Variants in GMDS observed in about 807,000 individuals in gnomAD.
GMDS encodes the protein GDP-mannose 4,6-dehydratase, also known as GDP-mannose 4,6 dehydratase.
GMDS carries 20 observed loss-of-function variants against 49.9 expected under a neutral mutation model. That is an observed-to-expected ratio of 0.40 (90% CI 0.28 to 0.58). The LOEUF is 0.58. Among genes scored for constraint, GMDS ranks in the 20% least tolerant of loss-of-function variants. The probability of loss-of-function intolerance (pLI) is 0.42; values close to 1 mark genes in which losing one functional copy is unlikely to be tolerated. For missense variants in GMDS, 362 were observed against 481.4 expected, an observed-to-expected ratio of 0.75 and a Z score of 2.32; for synonymous variants, 177 against 178.6, an observed-to-expected ratio of 0.99 and a Z score of 0.07.
At chr6:2,015,930 T>C (rs2127399774) in intron 4 of GMDS, among the ~76,000 whole-genome samples, 1 of 152,052 alleles carries the variant, frequency 6.6e-6, no homozygotes, top group African/African-American at 2.4e-5. Context: ...TTTCTTTCCT[T>C]GTTGGGAGAT....
intron 9 of GMDS, among the ~76,000 whole-genome samples, chr6:1,721,179 A>G (rs1393527583): frequency 6.6e-6 from 1 of 151,900 alleles, no homozygotes; most frequent in East Asian, 1.9e-4. Context: ...AATATTAGGA[A>G]AAGTTTGCGG....
intron 4 of GMDS, among the ~76,000 whole-genome samples, chr6:2,084,523 T>C (rs923902256): frequency 2.0e-5 from 3 of 152,196 alleles, no homozygotes; most frequent in South Asian, 4.1e-4. Flanking sequence ...TTTCTTTTTT[T>C]TGAGACGGAG....
intron 1 of GMDS, among the ~76,000 whole-genome samples, chr6:2,226,812 A>G (rs1210057518): frequency 6.6e-6 from 1 of 152,212 alleles, no homozygotes; most frequent in African/African-American, 2.4e-5. Flanking sequence ...TGGTTAACTA[A>G]CAAGATCTCT....
At chr6:2,234,725 C>G (rs1195247009) in intron 1 of GMDS, among the ~76,000 whole-genome samples, 1 of 152,128 alleles carries the variant, frequency 6.6e-6, no homozygotes, top group Non-Finnish European at 1.5e-5. Context: ...GAAACATTCT[C>G]AAAAATGATA....
intron 9 of GMDS, among the ~76,000 whole-genome samples, chr6:1,644,355 A>G (rs953706724): frequency 2.0e-5 from 3 of 152,100 alleles, no homozygotes; most frequent in Admixed American, 2.0e-4. Flanking sequence ...TGCCCTCAAC[A>G]CAGCCAGAGC....
intron 4 of GMDS, among the ~76,000 whole-genome samples, chr6:1,986,051 A>T (rs1465879586): frequency 6.6e-6 from 1 of 152,236 alleles, no homozygotes; most frequent in Non-Finnish European, 1.5e-5. Flanking sequence ...TGGATGACCT[A>T]GAAAACTAGT....
At chr6:1,711,785 C>T (rs575946952) in intron 9 of GMDS, among the ~76,000 whole-genome samples, 3 of 152,246 alleles carry the variant, frequency 2.0e-5, no homozygotes, top group Admixed American at 6.5e-5. Context: ...CCATCTTTTC[C>T]GTCCGATTTT....
rs186041809 is a variant in GMDS, at chr6:1,892,446, A to G, written c.771+37657T>C. 2.4e-4 allele frequency among the ~76,000 whole-genome samples: 36 copies of G among 152,236 alleles called. No individual in the cohort carries two copies. In the East Asian group the frequency reaches 6.2e-3, roughly 26 times the overall value. On this transcript the variant is annotated intron_variant, in intron 7 of 10. Coordinates refer to ENST00000380815, the MANE Select transcript of GMDS (RefSeq NM_001500.4). ...ATGATCTTGGCTCACTGCAACCTCC[A>G]CTACCCAGGTTCAAGTGATTCTCCC...
intron 7 of GMDS, among the ~76,000 whole-genome samples, chr6:1,901,060 G>T (rs753907421): frequency 6.6e-5 from 10 of 152,194 alleles, no homozygotes; most frequent in African/African-American, 2.2e-4. Context: ...AGAGAACGGC[G>T]AAGCGCTGGT....
chr6:2,013,364 T>C (rs369627713), intron 4 of GMDS, among the ~76,000 whole-genome samples: 16 of 152,292 alleles, frequency 1.1e-4, no homozygotes, highest in African/African-American at 3.8e-4. Context: ...TCTCAGTTCC[T>C]ATTACTTGAC....
At chr6:2,224,867 C>T (rs1780748414) in intron 1 of GMDS, among the ~76,000 whole-genome samples, 1 of 152,144 alleles carries the variant, frequency 6.6e-6, no homozygotes, top group African/African-American at 2.4e-5. Context: ...GTCCTTCAAC[C>T]CTCACCTATG....
chr6:2,069,468 G>C (rs1398104396), intron 4 of GMDS, among the ~76,000 whole-genome samples: 1 of 151,894 alleles, frequency 6.6e-6, no homozygotes, highest in Non-Finnish European at 1.5e-5. Flanking sequence ...ACTACCATCA[G>C]AGTGAACAGG....
chr6:2,210,840 T>C (rs558804256), intron 1 of GMDS, among the ~76,000 whole-genome samples: 2 of 152,310 alleles, frequency 1.3e-5, no homozygotes, highest in East Asian at 3.9e-4. Context: ...TCATGTTGAA[T>C]TGTAATTCCC....
intron 1 of GMDS, among the ~76,000 whole-genome samples, chr6:2,241,067 T>C (rs1781593733): frequency 6.6e-6 from 1 of 152,118 alleles, no homozygotes; most frequent in South Asian, 2.1e-4. Flanking sequence ...ATCTCAGACA[T>C]CTTTGAGGCT....
At chr6:1,762,303 C>CA (rs544452617) in intron 7 of GMDS, among the ~76,000 whole-genome samples, 1 of 152,116 alleles carries the variant, frequency 6.6e-6, no homozygotes, top group Non-Finnish European at 1.5e-5. Context: ...TTGGTACTGC[C>CA]AAAAAAGACA....
chr6:2,086,097 T>C (rs139400125), intron 4 of GMDS, among the ~76,000 whole-genome samples: 3 of 152,312 alleles, frequency 2.0e-5, no homozygotes, highest in African/African-American at 7.2e-5. Flanking sequence ...GTTTTGATTG[T>C]TTGCTCCACA....
intron 1 of GMDS, among the ~76,000 whole-genome samples, chr6:2,244,284 T>C (rs898567174): frequency 3.3e-5 from 5 of 152,108 alleles, no homozygotes; most frequent in Middle Eastern, 3.4e-3. Context: ...TTTCCACATA[T>C]ATAGAGATAA....
rs576093459 is a variant in GMDS, at chr6:1,934,611, T to C, written c.644-4381A>G. On this transcript the variant is annotated intron_variant, in intron 6 of 10. Transcript: ENST00000380815. ...TTTACACTTCTGCTAAATTTGTTCC[T>C]AAACACTTTATTCTTTTTTATTTTA... Among the ~76,000 whole-genome samples, 7 of 152,338 alleles carry C rather than the reference T, an allele frequency of 4.6e-5. No individual in the cohort carries two copies. The East Asian group carries it at 9.6e-4, about 21-fold the overall frequency.
chr6:2,146,165 G>A (rs929957412), intron 1 of GMDS, among the ~76,000 whole-genome samples: 5 of 152,342 alleles, frequency 3.3e-5, no homozygotes, highest in African/African-American at 1.2e-4. Flanking sequence ...AATTATTAAT[G>A]AAGATATGTT....
Sources: allele counts gnomAD v4.1 joint callset (sites outside exome capture counted in the v4.1 genomes callset), GRCh38; gene constraint gnomAD v4.1.1; transcripts MANE v1.5; gene names NCBI Gene and HGNC (gene_info 2026-07-23, HGNC 2026-07-21).